The following PRP4K variants were observed in gnomAD, a reference collection of about 807,000 sequenced individuals.
PRP4K encodes pre-mRNA processing factor kinase PRP4K, also known as serine/threonine-protein kinase PRP4 homolog.
At chr6:4,058,164 C>T in the PRP4K span, among the ~76,000 whole-genome samples, 1 of 152,170 alleles carries the variant, frequency 6.6e-6, no homozygotes, top group Admixed American at 6.5e-5. Context: ...GCATGTGCCA[C>T]CACAACCAGT....
chr6:4,056,153 T>C, the PRP4K span, among the ~76,000 whole-genome samples: 1 of 152,238 alleles, frequency 6.6e-6, no homozygotes, highest in East Asian at 1.9e-4. Context: ...ATATTAACTT[T>C]TCATAGTTAG....
the PRP4K span, among the ~76,000 whole-genome samples, chr6:4,039,548 C>T: frequency 5.3e-5 from 8 of 152,118 alleles, no homozygotes; most frequent in African/African-American, 1.4e-4. Flanking sequence ...GGGACTGTAC[C>T]GAGTCTGGCT....
At chr6:4,040,772 G>A in the PRP4K span, 2 of 1,612,622 alleles carry the variant, frequency 1.2e-6, no homozygotes, top group Admixed American at 1.7e-5. Context: ...CTTTAAATAG[G>A]GACAGAGGTC....
chr6:4,039,676 T>G, the PRP4K span, among the ~76,000 whole-genome samples: 5 of 152,318 alleles, frequency 3.3e-5, no homozygotes. Context: ...GTTCTGACTG[T>G]TTCTGATTTA....
the PRP4K span, chr6:4,032,204 AAGT>A: frequency 6.2e-7 from 1 of 1,614,052 alleles, no homozygotes; most frequent in Non-Finnish European, 8.5e-7. Context: ...CATCCAAAAG[AAGT>A]AAGTCTCAAG....
chr6:4,026,718 A>G, the PRP4K span, among the ~76,000 whole-genome samples: 8 of 152,394 alleles, frequency 5.2e-5, no homozygotes, highest in East Asian at 1.5e-3. Context: ...AATTCTGCTC[A>G]TATAGTGCTT....
the PRP4K span, among the ~76,000 whole-genome samples, chr6:4,046,332 C>T: frequency 1.3e-5 from 2 of 152,160 alleles, 1 homozygote; most frequent in African/African-American, 4.8e-5. Flanking sequence ...TATCAGAGGT[C>T]AGAAATTGAT....
chr6:4,041,052 A>G, the PRP4K span: 1 of 1,045,318 alleles, frequency 9.6e-7, no homozygotes, highest in Admixed American at 2.7e-5. Context: ...CTCTGAATTT[A>G]AAAGTTAGTC....
At chr6:4,021,329 A>G in the PRP4K span, 15 of 1,508,582 alleles carry the variant, frequency 9.9e-6, no homozygotes, top group Admixed American at 2.8e-4. Context: ...CACGGTCGGC[A>G]CATGCGCGGC....
chr6:4,037,210 A>G, the PRP4K span, among the ~76,000 whole-genome samples: 1 of 152,086 alleles, frequency 6.6e-6, no homozygotes, highest in African/African-American at 2.4e-5. Context: ...AAGACCTTTC[A>G]TTGTTTGCCT....
At chr6:4,048,483 G>T in the PRP4K span, among the ~76,000 whole-genome samples, 288 of 152,084 alleles carry the variant, frequency 1.9e-3, no homozygotes, top group African/African-American at 6.6e-3. Context: ...TACATTTCAT[G>T]CATGTATGGG....
At chr6:4,026,503 A>G in the PRP4K span, among the ~76,000 whole-genome samples, 1 of 151,814 alleles carries the variant, frequency 6.6e-6, no homozygotes, top group East Asian at 1.9e-4. Flanking sequence ...GGGTTTCACC[A>G]TGTTGGCCAG....
chr6:4,036,366 C>T, the PRP4K span, among the ~76,000 whole-genome samples: 29 of 152,118 alleles, frequency 1.9e-4, no homozygotes, highest in Non-Finnish European at 3.4e-4. Context: ...GGACTATAGG[C>T]ACATGCCACC....
chr6:4,026,862 C>T, the PRP4K span, among the ~76,000 whole-genome samples: 1 of 152,140 alleles, frequency 6.6e-6, no homozygotes, highest in Non-Finnish European at 1.5e-5. Context: ...ATCAGGAAAA[C>T]TTGTTTGAGA....
At chr6:4,038,182 G>A in the PRP4K span, among the ~76,000 whole-genome samples, 1 of 151,998 alleles carries the variant, frequency 6.6e-6, no homozygotes, top group African/African-American at 2.4e-5. Flanking sequence ...AGAAACAAAG[G>A]CTTATATTAT....
chr6:4,022,381 C>G, the PRP4K span, among the ~76,000 whole-genome samples: 6 of 150,018 alleles, frequency 4.0e-5, 1 homozygote, highest in African/African-American at 1.5e-4. Flanking sequence ...CTGTTCATGT[C>G]TATGTTAGGA....
the PRP4K span, chr6:4,032,486 G>C: frequency 1.9e-6 from 3 of 1,614,058 alleles, no homozygotes; most frequent in Non-Finnish European, 2.5e-6. Context: ...ATAAAGAAAA[G>C]AAGCCAATTA....
chr6:4,054,517 T>A, the PRP4K span, among the ~76,000 whole-genome samples: 802 of 152,298 alleles, frequency 5.3e-3, 3 homozygotes, highest in African/African-American at 0.018. Context: ...TTACCTCAGT[T>A]TTTTTTATGA....
chr6:4,038,524 C>T, the PRP4K span, among the ~76,000 whole-genome samples: 1 of 151,768 alleles, frequency 6.6e-6, no homozygotes, highest in African/African-American at 2.4e-5. Context: ...AACTCCTGAC[C>T]CCAAATGATC....
Sources: gnomAD v4.1 joint callset for allele counts (sites outside exome capture counted in the v4.1 genomes callset) on GRCh38, gnomAD v4.1.1 for gene constraint, MANE v1.5 for transcripts, NCBI Gene and HGNC (gene_info 2026-07-23, HGNC 2026-07-21) for gene names.